MTHFSD: variants seen among roughly 807,000 people sequenced by gnomAD.
The protein encoded by MTHFSD is methenyltetrahydrofolate synthetase domain containing.
MTHFSD carries 37 observed loss-of-function variants against 31.1 expected under a neutral mutation model. The observed-to-expected ratio is 1.19, with a 90% CI of 0.91 to 1.56. The LOEUF (loss-of-function observed/expected upper bound fraction) is 1.56, where lower values mean the gene tolerates loss of function less well. Among genes scored for constraint, MTHFSD ranks in the 40% most tolerant of loss-of-function variants. The pLI is 0.00. For synonymous variants in MTHFSD, 221 were observed against 206.9 expected, an observed-to-expected ratio of 1.07 and a Z score of -0.59; for missense variants, 664 against 510.1, an observed-to-expected ratio of 1.30 and a Z score of -2.91.
At chr16:86,539,145 C>T (rs1385897471) in intron 7 of MTHFSD, among the ~76,000 whole-genome samples, 4 of 152,176 alleles carry the variant, frequency 2.6e-5, no homozygotes, top group South Asian at 2.1e-4. Context: ...GGAAGAACAA[C>T]GGCTACTTGT....
chr16:86,547,328 G>A (rs1291635224), intron 4 of MTHFSD: 1 of 985,604 alleles, frequency 1.0e-6, no homozygotes, highest in Non-Finnish European at 1.2e-6. Flanking sequence ...TCATAACACG[G>A]TTTATGTAAG....
rs749880658 is a variant in MTHFSD, at chr16:86,548,523, T to C, written c.292A>G (p.Lys98Glu). Residue 98 changes from lysine (K) to glutamate (E), a missense_variant, in exon 4 of 8, where the codon AAG becomes GAG. By Grantham distance (56) the Lys-to-Glu change is moderately conservative. Coordinates refer to ENST00000360900, the MANE Select transcript of MTHFSD (RefSeq NM_001159377.2). ...TPRLRTGLFN[K>E]ITPPPGATKD... ...GTTGCCCCAGGGGGTGGTGTGATCT[T>C]ATTAAACAATCCCGTTCTCAGTCGT... 1 of 1,613,704 alleles carries C rather than the reference T, an allele frequency of 6.2e-7. No homozygotes were observed. The highest frequency in any genetic ancestry group is 8.5e-7 in the Non-Finnish European group (1 of 1,179,960).
Position 86,532,212 on chromosome 16 carries a change from G to GGCGT in MTHFSD, c.947_950dup (p.Val319ProfsTer4), listed in dbSNP as rs1970065398. 1.3e-6 allele frequency: 2 copies of GGCGT among 1,582,126 alleles called. No homozygotes were observed. Among genetic ancestry groups the GGCGT allele is most frequent in the African/African-American group, 2.7e-5 (2 of 73,776 alleles). ...GGGCTCTCTTCAGGTCACTCACACG[G>GGCGT]GCGTCCCCGGGGAGGTTCCCAACGT... On this transcript the variant is annotated frameshift_variant, in exon 8 of 8. Transcript: ENST00000360900. LOFTEE classifies it low-confidence loss of function (END_TRUNC).
At chr16:86,540,051 G>C (rs1971279687) in intron 7 of MTHFSD, among the ~76,000 whole-genome samples, 1 of 152,076 alleles carries the variant, frequency 6.6e-6, no homozygotes, top group African/African-American at 2.4e-5. Context: ...ACTCTTTAAT[G>C]GAATTTAGAG....
intron 7 of MTHFSD, chr16:86,541,280 C>T (rs1971471790): frequency 9.0e-7 from 1 of 1,112,528 alleles, no homozygotes; most frequent in Non-Finnish European, 1.2e-6. Context: ...CTTGAAGATC[C>T]AGATCGTCAG....
chr16:86,541,505 G>A lies in MTHFSD; in HGVS notation c.681+192C>T, dbSNP rs1226605162. On this transcript the variant is annotated intron_variant, in intron 7 of 7. Transcript: ENST00000360900. ...CCTAGCTGCTTTTTCGAATCCCAGA[G>A]ATCCATACGCAGATTCTTAGGCCTG... 6.4e-6 allele frequency: 5 copies of A among 779,064 alleles called. No homozygotes were observed. In the African/African-American group the frequency reaches 7.0e-5, roughly 11 times the overall value. The allele number at this position is 779,064 out of a possible 1,614,324, so 48.3% of individuals were successfully genotyped here. A position where few individuals can be genotyped will look rare whatever the true frequency, so the allele number is the denominator to read the frequency against.
At chr16:86,548,598 A>G in intron 3 of MTHFSD, 21 bp from the exon 4 acceptor site, 1 of 1,568,338 alleles carries the variant, frequency 6.4e-7, no homozygotes, top group Non-Finnish European at 8.7e-7. Flanking sequence ...AAAGACAATC[A>G]ATAAATTACA....
chr16:86,550,697 G>A (rs1021252362), intron 3 of MTHFSD, among the ~76,000 whole-genome samples: 24 of 152,202 alleles, frequency 1.6e-4, no homozygotes, highest in African/African-American at 5.1e-4. Context: ...GCCGACTGCC[G>A]TCCTTCCTTG....
chr16:86,552,895 G>A (rs1279859489), intron 2 of MTHFSD, among the ~76,000 whole-genome samples: 3 of 152,140 alleles, frequency 2.0e-5, no homozygotes, highest in African/African-American at 7.2e-5. Flanking sequence ...AGTCCTTCAG[G>A]GCAGAGAGCA....
At chr16:86,550,353 G>A (rs1046933977) in intron 3 of MTHFSD, among the ~76,000 whole-genome samples, 4 of 152,230 alleles carry the variant, frequency 2.6e-5, no homozygotes, top group African/African-American at 9.6e-5. Flanking sequence ...ATGATGGCAT[G>A]AAGCAACAGG....
intron 2 of MTHFSD, chr16:86,552,395 A>T: frequency 1.1e-6 from 1 of 950,736 alleles, no homozygotes; most frequent in Non-Finnish European, 1.5e-6. Context: ...AGGCACTAAC[A>T]GTCACCCAAA....
intron 3 of MTHFSD, among the ~76,000 whole-genome samples, chr16:86,550,634 C>T (rs1340074412): frequency 1.3e-5 from 2 of 152,224 alleles, no homozygotes; most frequent in Admixed American, 6.5e-5. Context: ...AGAACCAAAC[C>T]ACATAATACA....
chr16:86,535,836 T>C (rs1232309112), intron 7 of MTHFSD, among the ~76,000 whole-genome samples: 1 of 152,182 alleles, frequency 6.6e-6, no homozygotes, highest in Non-Finnish European at 1.5e-5. Flanking sequence ...ACTGGGAGGA[T>C]GATCTTTGAA....
intron 4 of MTHFSD, chr16:86,547,494 C>G (rs2143763897): frequency 1.0e-6 from 1 of 986,144 alleles, no homozygotes; most frequent in Non-Finnish European, 1.2e-6. Flanking sequence ...GGGGCTTAGT[C>G]CAGGAAACCC....
At chr16:86,535,229 G>A (rs1487427343) in intron 7 of MTHFSD, 2 of 985,192 alleles carry the variant, frequency 2.0e-6, no homozygotes, top group African/African-American at 3.5e-5. Flanking sequence ...TGGAAATGTG[G>A]AAGTGTGTTC....
chr16:86,554,970 T>A (rs1973874955), intron 1 of MTHFSD, 199 bp downstream of exon 1: 1 of 1,309,618 alleles, frequency 7.6e-7, no homozygotes, highest in Non-Finnish European at 1.0e-6. Context: ...TTATTTTTCC[T>A]GACATCTTTC....
intron 2 of MTHFSD, 74 bp downstream of exon 2, chr16:86,554,571 G>C: frequency 8.6e-7 from 1 of 1,162,608 alleles, no homozygotes; most frequent in Non-Finnish European, 1.3e-6. Flanking sequence ...CGCAGTAAGA[G>C]AATTTTATTA....
Position 86,535,625 on chromosome 16 carries a change from T to G in MTHFSD, c.682-3144A>C, listed in dbSNP as rs1040683107. 5.7e-6 allele frequency: 3 copies of G among 529,816 alleles called. No individual in the cohort carries two copies. In the South Asian group the frequency reaches 2.5e-4, roughly 44 times the overall value. The allele number at this position is 529,816 out of a possible 1,614,324, so 32.8% of individuals were successfully genotyped here. A position where few individuals can be genotyped will look rare whatever the true frequency, so the allele number is the denominator to read the frequency against. On this transcript the variant is annotated intron_variant, in intron 7 of 7. Coordinates refer to ENST00000360900, the MANE Select transcript of MTHFSD (RefSeq NM_001159377.2). ...AAAAAAAATAGAATAAACTTTAAGT[T>G]TAAAAACCTGTCCCCTAGACATGCT...
chr16:86,540,978 T>C, intron 7 of MTHFSD: 4 of 1,169,726 alleles, frequency 3.4e-6, no homozygotes, highest in South Asian at 3.3e-5. Flanking sequence ...TAATTTTCCA[T>C]GCCCAAAGGA....
Sources: allele counts gnomAD v4.1 joint callset (sites outside exome capture counted in the v4.1 genomes callset), GRCh38; gene constraint gnomAD v4.1.1; transcripts MANE v1.5; gene names NCBI Gene and HGNC (gene_info 2026-07-23, HGNC 2026-07-21).